The following COL6A5 variants were observed in gnomAD, a reference collection of about 807,000 sequenced individuals.
COL6A5 encodes collagen alpha-5(VI) chain.
A neutral mutation model predicts 65.6 loss-of-function variants in COL6A5; 48 were observed. The ratio of observed to expected loss-of-function variants is 0.73; its 90% CI spans 0.58 to 0.93. The LOEUF is 0.93. COL6A5 is among the 40% of genes least tolerant of loss of function. The pLI is 0.00. For missense variants in COL6A5, 914 were observed against 928.3 expected, an observed-to-expected ratio of 0.98 and a Z score of 0.20; for synonymous variants, 291 against 322.8, an observed-to-expected ratio of 0.90 and a Z score of 1.05.
At chr3:130,436,951 C>T (rs1709049033) in intron 1 of COL6A5, among the ~76,000 whole-genome samples, 1 of 152,184 alleles carries the variant, frequency 6.6e-6, no homozygotes, top group Non-Finnish European at 1.5e-5. Flanking sequence ...GATTCATACA[C>T]AGAGCAGCCT....
Position 130,415,638 on chromosome 3 carries a change from A to G in COL6A5, c.4762-7A>G, listed in dbSNP as rs575983094. The G allele has an allele frequency of 1.6e-4, 246 of 1,547,050 alleles. 3 individuals carry two copies. In the South Asian group the frequency reaches 2.8e-3, roughly 18 times the overall value. On this transcript the variant is annotated splice_polypyrimidine_tract_variant and splice_region_variant and intron_variant and NMD_transcript_variant, in intron 22 of 41. Coordinates refer to the COL6A5 transcript ENST00000312481. Reference sequence around the variant, plus strand: ...ATTGCATTGTATTTCCTTTGTTACCACTAAAGGGGTCACAGGGAAATCCTG... The same window carrying G: ...ATTGCATTGTATTTCCTTTGTTACCGCTAAAGGGGTCACAGGGAAATCCTG...
chr3:130,387,481 C>T lies in COL6A5; in HGVS notation c.1862-1099C>T, dbSNP rs901986537. On this transcript the variant is annotated intron_variant and NMD_transcript_variant, in intron 5 of 41. Transcript: ENST00000312481. ...ATCTTTCACACTTCACTACAGTGGT[C>T]AAGGCCACTCTGTCAAGGCCACAAA... Among the ~76,000 whole-genome samples the T allele has an allele frequency of 3.9e-5, 6 of 152,196 alleles. No homozygotes were observed. The South Asian group carries it at 1.0e-3, about 26-fold the overall frequency.
At chr3:130,356,745 T>A (rs1934938445) in intron 1 of COL6A5, among the ~76,000 whole-genome samples, 1 of 152,142 alleles carries the variant, frequency 6.6e-6, no homozygotes, top group African/African-American at 2.4e-5. Flanking sequence ...GATTTTCAAT[T>A]GAAGAAATTG....
At chr3:130,379,630 A>G (rs1935919056) in exon 4 of COL6A5, 2 of 1,551,352 alleles carry the variant, frequency 1.3e-6, no homozygotes, top group Admixed American at 2.0e-5. Context: ...ATCAAGCACA[A>G]CCCAATCTGA....
At chr3:130,440,240 A>G (rs1392951777) in exon 3 of COL6A5, 3 of 1,613,274 alleles carry the variant, frequency 1.9e-6, no homozygotes, top group Non-Finnish European at 2.5e-6. Flanking sequence ...AGTCTTCCTC[A>G]TAGACAATTC....
At chr3:130,366,848 G>A (rs1242786815) in intron 1 of COL6A5, among the ~76,000 whole-genome samples, 1 of 152,204 alleles carries the variant, frequency 6.6e-6, no homozygotes, top group Non-Finnish European at 1.5e-5. Context: ...GATGGAGCCT[G>A]CAGTGACATT....
exon 6 of COL6A5, chr3:130,469,023 G>A (rs762056923): frequency 1.2e-6 from 2 of 1,612,840 alleles, no homozygotes; most frequent in East Asian, 4.5e-5. Flanking sequence ...GCTGTCCTGA[G>A]CTACTCTCCT....
chr3:130,460,411 A>G lies in COL6A5; in HGVS notation c.1544+4745A>G, dbSNP rs184906123. Among the ~76,000 whole-genome samples, 4 of 152,228 alleles carry G rather than the reference A, an allele frequency of 2.6e-5. No individual in the cohort carries two copies. In the East Asian group the frequency reaches 7.7e-4, roughly 29 times the overall value. On this transcript the variant is annotated intron_variant, in intron 5 of 7. Coordinates refer to ENST00000512836, the Ensembl canonical transcript of COL6A5. ...TGATTGTCTTCTGTGAAGGTTTCAC[A>G]TGTGAACAAGATGAATGTAAACTGG... is the stretch of plus-strand genomic sequence containing the variant.
chr3:130,483,518 A>C (rs16828578), intron 7 of COL6A5, among the ~76,000 whole-genome samples: 11,954 of 152,246 alleles, frequency 0.079, 644 homozygotes, highest in African/African-American at 0.15. Flanking sequence ...TGTAAACTCC[A>C]GGTGCTCATA....
At chr3:130,349,755 T>C (rs575186780) in intron 1 of COL6A5, among the ~76,000 whole-genome samples, 44 of 152,342 alleles carry the variant, frequency 2.9e-4, no homozygotes, top group South Asian at 1.7e-3. Flanking sequence ...ATATGAATTA[T>C]GATTATATTC....
At chr3:130,458,003 A>G (rs1577530388) in intron 5 of COL6A5, among the ~76,000 whole-genome samples, 1 of 152,118 alleles carries the variant, frequency 6.6e-6, no homozygotes, top group Non-Finnish European at 1.5e-5. Flanking sequence ...GAGGCTGGGA[A>G]AAGTCAGGAA....
At position 130,379,830 on chromosome 3, in the gene COL6A5, C is replaced by T. The variant is rs766256159; in HGVS notation, c.1080C>T (p.Asn360=). 8 of 1,551,336 alleles carry T rather than the reference C, an allele frequency of 5.2e-6. No homozygotes were observed. In the South Asian group the frequency reaches 9.5e-5, roughly 18 times the overall value. The change falls in exon 4 of 42, where the codon AAC becomes AAT. Residue 360 remains asparagine (N), a synonymous_variant and NMD_transcript_variant. Coordinates refer to the COL6A5 transcript ENST00000312481. Reference sequence around the variant, plus strand: ...ATGAGGTGCATGATGCTGCGCTGAACCTTCGACTGGAGGATGTAAACGTGT... The same window carrying T: ...ATGAGGTGCATGATGCTGCGCTGAATCTTCGACTGGAGGATGTAAACGTGT...
intron 2 of COL6A5, among the ~76,000 whole-genome samples, chr3:130,375,262 A>G (rs763042653): frequency 2.2e-4 from 34 of 152,158 alleles, no homozygotes; most frequent in African/African-American, 5.1e-4. Flanking sequence ...TCTGCCTACA[A>G]CCTTCTGCTC....
intron 7 of COL6A5, among the ~76,000 whole-genome samples, chr3:130,473,780 C>T (rs2661943): frequency 0.62 from 93,833 of 151,938 alleles, 32,537 homozygotes; most frequent in Non-Finnish European, 0.79. Context: ...GCTGACCAAT[C>T]GTTACCTCCT....
At chr3:130,469,378 C>T (rs1709894878) in exon 6 of COL6A5, 2 of 1,612,922 alleles carry the variant, frequency 1.2e-6, no homozygotes, top group Non-Finnish European at 1.7e-6. Context: ...AAGAATTAGC[C>T]AGCCACCCTC....
At chr3:130,361,705 A>C (rs1473827400) in intron 1 of COL6A5, among the ~76,000 whole-genome samples, 1 of 152,132 alleles carries the variant, frequency 6.6e-6, no homozygotes. Flanking sequence ...GCAGTAAATG[A>C]GAGTTCCTAT....
At chr3:130,391,425 G>A in exon 7 of COL6A5, 1 of 1,551,686 alleles carries the variant, frequency 6.4e-7, no homozygotes, top group East Asian at 2.4e-5. Flanking sequence ...AGGGACACTG[G>A]AGGGAACACC....
chr3:130,360,093 G>A (rs563051018), intron 1 of COL6A5, among the ~76,000 whole-genome samples: 36 of 151,998 alleles, frequency 2.4e-4, no homozygotes, highest in African/African-American at 8.0e-4. Flanking sequence ...ACACCAGAAA[G>A]AATATAAAGA....
rs555816988 is a variant in COL6A5 at position 130,443,734 on chromosome 3, A to G, written c.1332+168A>G. On this transcript the variant is annotated intron_variant, in intron 4 of 7. Transcript: ENST00000512836. ...AATTACATATCAAGTATGATTTCCA[A>G]TTTGTTTTTATAACATCATAAGCTT... 9.9e-5 allele frequency among the ~76,000 whole-genome samples: 15 copies of G among 152,258 alleles called. No individual in the cohort carries two copies. In the East Asian group the frequency reaches 2.9e-3, roughly 29 times the overall value.
Sources: gnomAD v4.1 joint callset for allele counts (sites outside exome capture counted in the v4.1 genomes callset) on GRCh38, gnomAD v4.1.1 for gene constraint, MANE v1.5 for transcripts, NCBI Gene and HGNC (gene_info 2026-07-23, HGNC 2026-07-21) for gene names.